The following HCN1 variants were observed in gnomAD, a reference collection of about 807,000 sequenced individuals.
The protein encoded by HCN1 is potassium/sodium hyperpolarization-activated cyclic nucleotide-gated channel 1.
Under a neutral mutation model 78.9 loss-of-function variants are expected in HCN1, and 13 were observed. The ratio of observed to expected loss-of-function variants is 0.16; its 90% confidence interval spans 0.11 to 0.26. The LOEUF (loss-of-function observed/expected upper bound fraction) is 0.26. HCN1 is among the 10% of genes least tolerant of loss of function. The pLI, the probability that HCN1 is intolerant of heterozygous loss-of-function variation, is 1.00. For missense variants in HCN1, 810 were observed against 1,154.3 expected (o/e 0.70, Z 4.32); for synonymous variants, 552 against 455.5 (o/e 1.21, Z -2.70).
At position 45,550,053 on chromosome 5, in the gene HCN1, C is replaced by T. The variant is rs201234993; in HGVS notation, c.850-88046G>A. ...GAACACTTTTACACTGTTGGTGGGA[C>T]TGTAAACTAGTTCAACCATTGTGGA... On this transcript the variant is annotated intron_variant, in intron 2 of 7. Transcript: ENST00000303230. 2.1e-4 allele frequency among the ~76,000 whole-genome samples: 32 copies of T among 152,196 alleles called. No individual in the cohort carries two copies. In the East Asian group the frequency reaches 6.0e-3, roughly 28 times the overall value.
At chr5:45,400,481 C>T (rs1739771862) in intron 3 of HCN1, among the ~76,000 whole-genome samples, 1 of 150,256 alleles carries the variant, frequency 6.7e-6, no homozygotes, top group South Asian at 2.1e-4. Context: ...TCACTGCAAC[C>T]TCTGCCTCCT....
At chr5:45,632,598 C>A (rs1745288367) in intron 2 of HCN1, among the ~76,000 whole-genome samples, 1 of 151,956 alleles carries the variant, frequency 6.6e-6, no homozygotes, top group South Asian at 2.1e-4. Flanking sequence ...ATTATCTAAC[C>A]CGAAATTCTG....
At chr5:45,458,740 C>T (rs1741075813) in intron 3 of HCN1, among the ~76,000 whole-genome samples, 1 of 152,086 alleles carries the variant, frequency 6.6e-6, no homozygotes, top group Non-Finnish European at 1.5e-5. Flanking sequence ...GTGACATTGA[C>T]TATTCATTTA....
chr5:45,506,743 T>C (rs1240870114), intron 2 of HCN1, among the ~76,000 whole-genome samples: 2 of 152,168 alleles, frequency 1.3e-5, no homozygotes, highest in Non-Finnish European at 2.9e-5. Flanking sequence ...CAGCTCTGTA[T>C]GGAGATCTGA....
At chr5:45,587,614 G>A (rs1039642063) in intron 2 of HCN1, among the ~76,000 whole-genome samples, 2 of 151,312 alleles carry the variant, frequency 1.3e-5, no homozygotes, top group East Asian at 1.9e-4. Context: ...CGAGTGAATG[G>A]GTGCAGCACA....
At chr5:45,583,679 C>T (rs1414211643) in intron 2 of HCN1, among the ~76,000 whole-genome samples, 1 of 152,076 alleles carries the variant, frequency 6.6e-6, no homozygotes, top group Non-Finnish European at 1.5e-5. Context: ...ATAAATTTCC[C>T]TCTACACACT....
intron 4 of HCN1, among the ~76,000 whole-genome samples, chr5:45,387,288 T>G (rs1178086709): frequency 1.3e-5 from 2 of 152,168 alleles, no homozygotes; most frequent in South Asian, 4.1e-4. Flanking sequence ...AATATCTTAC[T>G]CTCATATTAT....
intron 2 of HCN1, among the ~76,000 whole-genome samples, chr5:45,475,545 G>A (rs1239345758): frequency 6.6e-6 from 1 of 152,116 alleles, no homozygotes; most frequent in Middle Eastern, 3.4e-3. Context: ...TATTCCTATT[G>A]AATTGCCATG....
chr5:45,393,799 C>T (rs1739633060), intron 4 of HCN1, among the ~76,000 whole-genome samples: 1 of 152,116 alleles, frequency 6.6e-6, no homozygotes, highest in Non-Finnish European at 1.5e-5. Context: ...TGAATCTGTC[C>T]TATGCTCATT....
chr5:45,332,537 C>T lies in HCN1; in HGVS notation c.1377+20563G>A, dbSNP rs1288138402. On this transcript the variant is annotated intron_variant, in intron 5 of 7. Coordinates refer to ENST00000303230, the MANE Select transcript of HCN1 (RefSeq NM_021072.4). ...CTTCTACTCTCTATCTCCATGAGTT[C>T]AATTGTTTTGATTTTCAGATGCCAG... 9.9e-5 allele frequency among the ~76,000 whole-genome samples: 15 copies of T among 151,028 alleles called. No individual in the cohort carries two copies. The East Asian group carries it at 2.7e-3, about 28-fold the overall frequency.
intron 3 of HCN1, among the ~76,000 whole-genome samples, chr5:45,416,291 G>A (rs186800545): frequency 2.1e-4 from 32 of 151,698 alleles, no homozygotes; most frequent in Non-Finnish European, 3.8e-4. Flanking sequence ...TGATTTACTC[G>A]AGTGAGGAAT....
chr5:45,465,376 G>C (rs962015066), intron 2 of HCN1, among the ~76,000 whole-genome samples: 2 of 152,106 alleles, frequency 1.3e-5, no homozygotes, highest in East Asian at 3.9e-4. Flanking sequence ...GTAACAGAAA[G>C]AAAGGCTCTC....
chr5:45,692,865 A>C (rs1167247244), intron 1 of HCN1, among the ~76,000 whole-genome samples: 5 of 152,220 alleles, frequency 3.3e-5, no homozygotes, highest in African/African-American at 1.2e-4. Context: ...GTAAGAACAT[A>C]GTAAACTTCT....
rs1268237426 is a variant in HCN1 at position 45,696,170 on chromosome 5, G to A, written c.-77C>T. On this transcript the variant is annotated 5_prime_UTR_variant, in exon 1 of 8. Coordinates refer to ENST00000303230, the MANE Select transcript of HCN1 (RefSeq NM_021072.4). ...CGGCGCCGGAGACACGTAGCCGAGA[G>A]GGTAGGGGCCCGAGCCGGCTGCCGG... 1 of 1,010,008 alleles carries A rather than the reference G, an allele frequency of 9.9e-7. No homozygotes were observed. Among genetic ancestry groups the A allele is most frequent in the African/African-American group, 1.7e-5 (1 of 57,740 alleles). The allele number at this position is 1,010,008 out of a possible 1,614,324, so 62.6% of individuals were successfully genotyped here.
intron 5 of HCN1, among the ~76,000 whole-genome samples, chr5:45,308,492 A>G (rs1279194432): frequency 1.3e-5 from 2 of 152,118 alleles, no homozygotes; most frequent in African/African-American, 2.4e-5. Context: ...ACTTTTAAAA[A>G]GATCTCCTAG....
intron 2 of HCN1, among the ~76,000 whole-genome samples, chr5:45,511,009 G>A (rs954850466): frequency 6.6e-6 from 1 of 151,234 alleles, no homozygotes; most frequent in Non-Finnish European, 1.5e-5. Context: ...CATCATGTAG[G>A]TAATATGATG....
intron 4 of HCN1, among the ~76,000 whole-genome samples, chr5:45,390,426 T>C (rs1273461220): frequency 6.6e-6 from 1 of 152,150 alleles, no homozygotes; most frequent in Non-Finnish European, 1.5e-5. Flanking sequence ...ATCAAATGCA[T>C]AATCAATTAA....
chr5:45,375,211 TATATA>T (rs1222056126), intron 4 of HCN1, among the ~76,000 whole-genome samples: 2 of 116,638 alleles, frequency 1.7e-5, no homozygotes, highest in East Asian at 2.2e-4. Flanking sequence ...TATTTTATAA[TATATA>T]ATATAATATT....
chr5:45,681,898 CAATA>C (rs1739708053), intron 1 of HCN1, among the ~76,000 whole-genome samples: 1 of 152,004 alleles, frequency 6.6e-6, no homozygotes, highest in Non-Finnish European at 1.5e-5. Flanking sequence ...ATGCCAAATA[CAATA>C]GATAGAATGT....
Sources: allele counts gnomAD v4.1 joint callset (sites outside exome capture counted in the v4.1 genomes callset), GRCh38; gene constraint gnomAD v4.1.1; transcripts MANE v1.5; gene names NCBI Gene and HGNC (gene_info 2026-07-23, HGNC 2026-07-21).